Variants in GPT observed in about 807,000 individuals in gnomAD.
The protein encoded by GPT is glutamic--pyruvic transaminase, also known as alanine aminotransferase 1.
GPT carries 60 observed loss-of-function variants against 51.4 expected under a neutral mutation model. The observed-to-expected ratio is 1.17, with a 90% CI of 0.95 to 1.45. The LOEUF (loss-of-function observed/expected upper bound fraction) is 1.45. Ranked by LOEUF, GPT falls within the 40% of genes most tolerant of loss-of-function variation. GPT has a pLI of 0.00. For synonymous variants in GPT, 397 were observed against 303.1 expected (o/e 1.31, Z -3.22); for missense variants, 853 against 704.0 (o/e 1.21, Z -2.40).
Position 144,506,748 on chromosome 8 carries a change from C to T in GPT, c.1305C>T (p.Pro435=), listed in dbSNP as rs776606424. ...VERAQELGLA[P]DMFFCLRLLE... ...GTCCACAGGAGCTGGGCCTGGCCCC[C>T]GATATGTTCTTCTGCCTGCGCCTCC... The change falls in exon 10 of 11, where the codon CCC becomes CCT. Residue 435 remains proline, a synonymous_variant. Coordinates refer to ENST00000394955, the MANE Select transcript of GPT (RefSeq NM_005309.3). This position sits in a 1 kb window ranked among gnomAD's most constrained non-coding sequence, Gnocchi z 7.0. The T allele has an allele frequency of 7.4e-6, 12 of 1,611,752 alleles. No individual in the cohort carries two copies. The highest frequency in any genetic ancestry group is 2.2e-5 in the South Asian group (2 of 91,060).
At position 144,504,885 on chromosome 8, in the gene GPT, A is replaced by G; in HGVS notation, c.361+6A>G. The G allele has an allele frequency of 6.2e-7, 1 of 1,613,042 alleles. No homozygotes were observed. The highest frequency in any genetic ancestry group is 8.5e-7 in the Non-Finnish European group (1 of 1,179,936). On this transcript the variant is annotated splice_donor_region_variant and intron_variant, in intron 3 of 10. Coordinates refer to ENST00000394955, the MANE Select transcript of GPT (RefSeq NM_005309.3). ...GTGTGGGGGCCACAGTCTGGGTGAGAGCCAGGGCCAGGAGGAAGCAGAGGG... is the reference window on the plus strand; with the variant it reads ...GTGTGGGGGCCACAGTCTGGGTGAGGGCCAGGGCCAGGAGGAAGCAGAGGG...
rs749597350 is a variant in GPT at position 144,505,016 on chromosome 8, C to G, written c.380C>G (p.Ser127Cys). Residue 127 changes from serine (S) to cysteine (C), a missense_variant, in exon 4 of 11, where the codon TCC becomes TGC. Transcript: ENST00000394955. ...GHSLGAYSVS[S>C]GIQLIREDVA... ...AGTCCAGGGGCCTACAGCGTCAGCT[C>G]CGGCATCCAGCTGATCCGGGAGGAC... is the stretch of plus-strand genomic sequence containing the variant. 6.2e-7 allele frequency: 1 copy of G among 1,613,098 alleles called. No homozygotes were observed. Among genetic ancestry groups the G allele is most frequent in the African/African-American group, 1.3e-5 (1 of 75,048 alleles).
Position 144,505,318 on chromosome 8 carries a change from C to T in GPT, c.568C>T (p.Pro190Ser). 6.4e-7 allele frequency: 1 copy of T among 1,569,146 alleles called. No homozygotes were observed. Among genetic ancestry groups the T allele is most frequent in the South Asian group, 1.2e-5 (1 of 86,166 alleles). ...TGVLIPIPQY[P>S]LYSATLAELG... ...TGTGCTCATCCCCATCCCCCAGTAC[C>T]CACTCTACTCGGCCACGCTGGCAGA... The change falls in exon 5 of 11, where the codon CCA becomes TCA. Residue 190 changes from proline (P) to serine (S), a missense_variant. Pro to Ser is a moderately conservative substitution (Grantham distance 74). Transcript: ENST00000394955.
At chr8:144,503,675 G>C (rs2130606922), upstream of GPT, 1 of 147,338 alleles carries the variant, frequency 6.8e-6, no homozygotes, top group Non-Finnish European at 1.5e-5. Flanking sequence ...CCTCCCCCCA[G>C]CACCCCCTGG....
In GPT at chr8:144,506,294, T is replaced by C. The variant is rs1160627979; in HGVS notation, c.1019T>C (p.Met340Thr). Residue 340 changes from methionine (M) to threonine (T), a missense_variant, in exon 8 of 11, where the codon ATG becomes ACG. Transcript: ENST00000394955. This position sits in a 1 kb window ranked among gnomAD's most constrained non-coding sequence, Gnocchi z 7.0. The stretch of plus-strand genomic sequence containing the variant: ...ATGGACGCTGCAGTGCAGCAGCAGA[T>C]GCTGAAGCTGATGAGTGTGCGGCTG... ...VNMDAAVQQQ[M>T]LKLMSVRLCP... 6.3e-7 allele frequency: 1 copy of C among 1,597,230 alleles called. No homozygotes were observed. Among genetic ancestry groups the C allele is most frequent in the Non-Finnish European group, 8.5e-7 (1 of 1,174,890 alleles).
rs769804699 is a variant in GPT, at chr8:144,506,750, A to T, written c.1307A>T (p.Asp436Val). The T allele has an allele frequency of 6.8e-6, 11 of 1,611,624 alleles. No individual in the cohort carries two copies. The African/African-American group carries it at 1.5e-4, about 22-fold the overall frequency. ...CCACAGGAGCTGGGCCTGGCCCCCG[A>T]TATGTTCTTCTGCCTGCGCCTCCTG... The part of the protein sequence containing the change: ...ERAQELGLAP[D>V]MFFCLRLLEE... Residue 436 changes from aspartate (D) to valine (V), a missense_variant, in exon 10 of 11, where the codon GAT becomes GTT. By Grantham distance (152) the Asp-to-Val change is radical. Transcript: ENST00000394955. This position sits in a 1 kb window ranked among gnomAD's most constrained non-coding sequence, Gnocchi z 7.0.
intron 4 of GPT, 35 bp from the exon 5 acceptor site, chr8:144,505,211 C>T (rs772070124): frequency 6.2e-7 from 1 of 1,611,720 alleles, no homozygotes; most frequent in Non-Finnish European, 8.5e-7. Context: ...CGGCCCCAGG[C>T]CTCGCCAACC....
At chr8:144,504,062 C>A (rs1826663515), upstream of GPT, 1 of 576,720 alleles carries the variant, frequency 1.7e-6, no homozygotes, top group South Asian at 2.0e-5. Flanking sequence ...CCTCTGCCTC[C>A]CTGGGGCAGA....
chr8:144,505,963 G>A, intron 6 of GPT, 32 bp from the exon 7 acceptor site: 1 of 1,612,134 alleles, frequency 6.2e-7, no homozygotes, highest in South Asian at 1.1e-5. Context: ...CCGGGCAACA[G>A]TCCGCCCCCG....
chr8:144,505,762 G>C, intron 5 of GPT, 86 bp from the exon 6 acceptor site: 1 of 1,310,162 alleles, frequency 7.6e-7, no homozygotes, highest in Non-Finnish European at 1.1e-6. Context: ...CCCAGGCAGT[G>C]CCGGGTCCGC....
In GPT at chr8:144,505,074, C is replaced by T. The variant is rs762766505; in HGVS notation, c.438C>T (p.Gly146=). ...GGTACATTGAGAGGCGTGACGGAGG[C>T]ATCCCTGCGGACCCCAACAACGTCT... ...VARYIERRDG[G]IPADPNNVFL... Residue 146 remains glycine, a synonymous_variant, in exon 4 of 11, where the codon GGC becomes GGT. Transcript: ENST00000394955. 10 of 1,613,160 alleles carry T rather than the reference C, an allele frequency of 6.2e-6. No individual in the cohort carries two copies. The highest frequency in any genetic ancestry group is 8.5e-6 in the Non-Finnish European group (10 of 1,179,996).
At position 144,507,116 on chromosome 8, in the gene GPT, G is replaced by GGGGGGGGC; in HGVS notation, c.*116_*117insGGGGGGGC. On this transcript the variant is annotated 3_prime_UTR_variant, in exon 11 of 11. Coordinates refer to ENST00000394955, the MANE Select transcript of GPT (RefSeq NM_005309.3). The stretch of plus-strand genomic sequence containing the variant: ...CCTGGCGGGGTGGGGTGGGGGGGGT[G>GGGGGGGGC]CTGGGCCCCTGCCTCTCTGCAGGTC... 1 of 686,638 alleles carries GGGGGGGGC rather than the reference G, an allele frequency of 1.5e-6. No homozygotes were observed. The allele number at this position is 686,638 out of a possible 1,614,324, so 42.5% of individuals were successfully genotyped here.
rs1826782676 is a variant in GPT, at chr8:144,505,988, C to T, written c.820-7C>T. 7.4e-6 allele frequency: 12 copies of T among 1,612,250 alleles called. No individual in the cohort carries two copies. Among genetic ancestry groups the T allele is most frequent in the East Asian group, 2.2e-5 (1 of 44,862 alleles). The stretch of plus-strand genomic sequence containing the variant: ...GTCCGCCCCCGTGACGCCTTGCGCC[C>T]TTCCAGGTGTACCAGGACAACGTGT... On this transcript the variant is annotated splice_region_variant and splice_polypyrimidine_tract_variant and intron_variant, in intron 6 of 10. Transcript: ENST00000394955.
rs1826733938 is a variant in GPT at position 144,505,231 on chromosome 8, C to A, written c.496-15C>A. On this transcript the variant is annotated splice_polypyrimidine_tract_variant and intron_variant, in intron 4 of 10. Coordinates refer to ENST00000394955, the MANE Select transcript of GPT (RefSeq NM_005309.3). ...CCAGGCCTCGCCAACCCTGCCTTCCCCTTCCTTTCCGCAGACGGTGCTGAA... is the reference window on the plus strand; with the variant it reads ...CCAGGCCTCGCCAACCCTGCCTTCCACTTCCTTTCCGCAGACGGTGCTGAA... 1 of 1,610,056 alleles carries A rather than the reference C, an allele frequency of 6.2e-7. No homozygotes were observed. The highest frequency in any genetic ancestry group is 1.3e-5 in the African/African-American group (1 of 74,842).
At position 144,506,955 on chromosome 8, in the gene GPT, G is replaced by A. The variant is rs760337307; in HGVS notation, c.1446G>A (p.Glu482=). The change falls in exon 11 of 11, where the codon GAG becomes GAA. Residue 482 remains glutamate, a synonymous_variant. Coordinates refer to ENST00000394955, the MANE Select transcript of GPT (RefSeq NM_005309.3). The surrounding 1 kb of genome is among the most constrained non-coding windows in gnomAD (Gnocchi z 7.0). The part of the protein sequence containing the change: ...PPLEKLRLLL[E]KLSRFHAKFT... ...TGGAGAAACTGCGGCTGCTGCTGGA[G>A]AAGCTGAGCAGGTTCCATGCCAAGT... is the stretch of plus-strand genomic sequence containing the variant. 1.2e-6 allele frequency: 2 copies of A among 1,612,740 alleles called. No homozygotes were observed. The highest frequency in any genetic ancestry group is 1.7e-5 in the Admixed American group (1 of 60,014).
At position 144,506,124 on chromosome 8, in the gene GPT, A is replaced by G. The variant is rs1174841890; in HGVS notation, c.949A>G (p.Met317Val). The change falls in exon 7 of 11, where the codon ATG becomes GTG. Residue 317 changes from methionine (M) to valine (V), a missense_variant. Physicochemically the swap from Met to Val is conservative, Grantham distance 21. Transcript: ENST00000394955. This position sits in a 1 kb window ranked among gnomAD's most constrained non-coding sequence, Gnocchi z 7.0. ...ASFHSTSKGY[M>V]GECGFRGGYV... is the part of the protein sequence containing the mutation. ...CTTCCACTCCACCTCCAAGGGCTAC[A>G]TGGGCGAGTGCGTGCGTACGAGGCG... 1.1e-5 allele frequency: 17 copies of G among 1,612,072 alleles called. No homozygotes were observed. The highest frequency in any genetic ancestry group is 1.3e-5 in the Non-Finnish European group (15 of 1,179,502).
At position 144,506,647 on chromosome 8, in the gene GPT, G is replaced by A. The variant is rs766308413; in HGVS notation, c.1278G>A (p.Glu426=). The change falls in exon 9 of 11, where the codon GAG becomes GAA. Residue 426 remains glutamate (E), a synonymous_variant. Transcript: ENST00000394955. The surrounding 1 kb of genome is among the most constrained non-coding windows in gnomAD (Gnocchi z 7.0). ...TGCAGCTGCCCCCGCGGGCGGTGGA[G>A]CGCGCTCAGGTCAGGCGGGGGCGGG... The part of the protein sequence containing the change: ...PRVQLPPRAV[E]RAQELGLAPD... 1.9e-5 allele frequency: 30 copies of A among 1,557,830 alleles called. No individual in the cohort carries two copies. The South Asian group carries it at 3.5e-4, about 18-fold the overall frequency.
At position 144,506,755 on chromosome 8, in the gene GPT, T is replaced by C. The variant is rs767839047; in HGVS notation, c.1312T>C (p.Phe438Leu). ...AQELGLAPDMFFCLRLLEETG... is the reference protein window; with the variant it reads ...AQELGLAPDMLFCLRLLEETG... The stretch of plus-strand genomic sequence containing the variant: ...GGAGCTGGGCCTGGCCCCCGATATG[T>C]TCTTCTGCCTGCGCCTCCTGGAGGA... Residue 438 changes from phenylalanine to leucine, a missense_variant, in exon 10 of 11, where the codon TTC becomes CTC. By Grantham distance (22) the Phe-to-Leu change is conservative. Coordinates refer to ENST00000394955, the MANE Select transcript of GPT (RefSeq NM_005309.3). This position sits in a 1 kb window ranked among gnomAD's most constrained non-coding sequence, Gnocchi z 7.0. The C allele has an allele frequency of 1.9e-6, 3 of 1,612,098 alleles. No homozygotes were observed. In the Admixed American group the frequency reaches 5.0e-5, roughly 27 times the overall value.
At position 144,504,383 on chromosome 8, in the gene GPT, A is replaced by G; in HGVS notation, c.79A>G (p.Asn27Asp). The stretch of plus-strand genomic sequence containing the variant: ...GAAGGTGCTGACGCTGGACGGCATG[A>G]ACCCGCGTGTGCGGAGAGTGGAGTA... ...RAKVLTLDGM[N>D]PRVRRVEYAV... is the part of the protein sequence containing the mutation. Residue 27 changes from asparagine to aspartate, a missense_variant, in exon 1 of 11, where the codon AAC becomes GAC. Asn to Asp is a conservative substitution (Grantham distance 23). Transcript: ENST00000394955. The G allele has an allele frequency of 3.1e-6, 5 of 1,611,798 alleles. No individual in the cohort carries two copies. The highest frequency in any genetic ancestry group is 4.2e-6 in the Non-Finnish European group (5 of 1,179,916).
Sources: allele counts gnomAD v4.1 joint callset, GRCh38; gene constraint gnomAD v4.1.1; non-coding constraint Gnocchi (gnomAD v3.1); transcripts MANE v1.5; gene names NCBI Gene and HGNC (gene_info 2026-07-23, HGNC 2026-07-21).